NEDD8: variants seen among roughly 807,000 people sequenced by gnomAD.
NEDD8 encodes the protein ubiquitin-like protein NEDD8.
In NEDD8, 1 loss-of-function variant was observed where a neutral mutation model predicts 13.8. The observed-to-expected ratio is 0.07, with a 90% CI of 0.03 to 0.34. The LOEUF (loss-of-function observed/expected upper bound fraction) is 0.34. NEDD8 is among the 10% of genes least tolerant of loss of function. The pLI is 0.99. For missense variants in NEDD8, 10 were observed against 95.2 expected (o/e 0.10, Z 3.73); for synonymous variants, 31 against 33.2 (o/e 0.93, Z 0.23).
Position 24,218,270 on chromosome 14 carries a change from G to A in NEDD8, c.67-55C>T, listed in dbSNP as rs371438294. On this transcript the variant is annotated intron_variant, in intron 2 of 3. Coordinates refer to ENST00000250495, the MANE Select transcript of NEDD8 (RefSeq NM_006156.3). ...TGCTTAGGGGTAGGACCATGGAAACGGAAAGAACAAGGGCTATGCAGACAG... is the reference window on the plus strand; with the variant it reads ...TGCTTAGGGGTAGGACCATGGAAACAGAAAGAACAAGGGCTATGCAGACAG... The A allele has an allele frequency of 3.7e-4, 603 of 1,613,710 alleles. 1 individual carries two copies. Among genetic ancestry groups the A allele is most frequent in the Non-Finnish European group, 5.0e-4 (585 of 1,179,696 alleles).
rs568877289 is a variant in NEDD8, at chr14:24,231,991, C to A, written c.18+259G>T. 1.8e-5 allele frequency: 9 copies of A among 503,930 alleles called. No individual in the cohort carries two copies. In the Admixed American group the frequency reaches 3.0e-4, roughly 17 times the overall value. 31.2% of individuals were successfully genotyped at this position (503,930 alleles called of 1,614,324 possible). A position where few individuals can be genotyped will look rare whatever the true frequency, so the allele number is the denominator to read the frequency against. Reference sequence around the variant, plus strand: ...ATACAGTGAGACCCGACAAAAGCGACCCCATTCTGGGTGATAGCACAGTCC... The same window carrying A: ...ATACAGTGAGACCCGACAAAAGCGAACCCATTCTGGGTGATAGCACAGTCC... On this transcript the variant is annotated intron_variant, in intron 1 of 3. Coordinates refer to ENST00000250495, the MANE Select transcript of NEDD8 (RefSeq NM_006156.3).
At chr14:24,223,124 G>A (rs2039835120) in intron 1 of NEDD8, among the ~76,000 whole-genome samples, 1 of 150,468 alleles carries the variant, frequency 6.6e-6, no homozygotes, top group Admixed American at 6.6e-5. Flanking sequence ...ATGGTAGGCT[G>A]GGCATGGTAG....
chr14:24,225,502 T>C (rs546857454), intron 1 of NEDD8, among the ~76,000 whole-genome samples: 1 of 152,354 alleles, frequency 6.6e-6, no homozygotes, highest in East Asian at 1.9e-4. Context: ...TATGCTATGC[T>C]AGCTGGAATT....
At position 24,232,353 on chromosome 14, in the gene NEDD8, G is replaced by A. The variant is rs540808323; in HGVS notation, c.-86C>T. The A allele has an allele frequency of 2.1e-6, 3 of 1,424,172 alleles. No individual in the cohort carries two copies. Among genetic ancestry groups the A allele is most frequent in the Admixed American group, 1.9e-5 (1 of 53,556 alleles). 88.2% of individuals were successfully genotyped at this position (1,424,172 alleles called of 1,614,324 possible). A position where few individuals can be genotyped will look rare whatever the true frequency, so the allele number is the denominator to read the frequency against. On this transcript the variant is annotated 5_prime_UTR_variant, in exon 1 of 4. Coordinates refer to ENST00000250495, the MANE Select transcript of NEDD8 (RefSeq NM_006156.3). ...CTGCCGCCCTCCAGCACTCTTGCCT[G>A]CAAGGGCCACTTCTACTTCCGGGTC...
intron 1 of NEDD8, among the ~76,000 whole-genome samples, chr14:24,223,348 C>T (rs1007831333): frequency 6.6e-6 from 1 of 151,090 alleles, no homozygotes; most frequent in South Asian, 2.1e-4. Context: ...CCGTAGTGGG[C>T]TGATTGTGCC....
rs1243049618 is a variant in NEDD8 at position 24,232,356 on chromosome 14, A to T, written c.-89T>A. 4 of 1,384,666 alleles carry T rather than the reference A, an allele frequency of 2.9e-6. No individual in the cohort carries two copies. Among genetic ancestry groups the T allele is most frequent in the Middle Eastern group, 2.0e-4 (1 of 4,960 alleles). 85.8% of individuals were successfully genotyped at this position (1,384,666 alleles called of 1,614,324 possible). A position where few individuals can be genotyped will look rare whatever the true frequency, so the allele number is the denominator to read the frequency against. On this transcript the variant is annotated 5_prime_UTR_variant, in exon 1 of 4. The change creates a new upstream start codon in the 5' untranslated region. Coordinates refer to ENST00000250495, the MANE Select transcript of NEDD8 (RefSeq NM_006156.3). ...CCGCCCTCCAGCACTCTTGCCTGCA[A>T]GGGCCACTTCTACTTCCGGGTCACT...
At chr14:24,227,543 C>T (rs1488511713) in intron 1 of NEDD8, 2 of 151,992 alleles carry the variant, frequency 1.3e-5, no homozygotes, top group Non-Finnish European at 2.9e-5. Flanking sequence ...ACAGAAAGAG[C>T]TTTTAAGTGA....
intron 1 of NEDD8, among the ~76,000 whole-genome samples, chr14:24,225,307 A>C (rs1010763012): frequency 6.6e-6 from 1 of 152,190 alleles, no homozygotes; most frequent in Non-Finnish European, 1.5e-5. Flanking sequence ...AAACACATAA[A>C]CCAATGGCAA....
intron 1 of NEDD8, among the ~76,000 whole-genome samples, chr14:24,230,257 G>A (rs1376022808): frequency 6.9e-6 from 1 of 144,756 alleles, no homozygotes; most frequent in African/African-American, 2.6e-5. Context: ...GCCAGGCACG[G>A]GGGAGGGTGG....
In NEDD8 at chr14:24,218,281, G is replaced by C. The variant is rs2039742954; in HGVS notation, c.67-66C>G. 3.1e-6 allele frequency: 5 copies of C among 1,613,686 alleles called. No individual in the cohort carries two copies. The South Asian group carries it at 4.4e-5, about 14-fold the overall frequency. ...AGGACCATGGAAACGGAAAGAACAA[G>C]GGCTATGCAGACAGCATGAGAGCAA... is the stretch of plus-strand genomic sequence containing the variant. On this transcript the variant is annotated intron_variant, in intron 2 of 3. Coordinates refer to ENST00000250495, the MANE Select transcript of NEDD8 (RefSeq NM_006156.3).
intron 1 of NEDD8, among the ~76,000 whole-genome samples, chr14:24,219,192 T>G (rs1272145589): frequency 1.3e-5 from 2 of 151,962 alleles, no homozygotes; most frequent in Admixed American, 1.3e-4. Flanking sequence ...CTGGGCATGG[T>G]GGCTCACACC....
chr14:24,218,063 G>A, intron 3 of NEDD8, 70 bp downstream of exon 3: 4 of 1,598,898 alleles, frequency 2.5e-6, no homozygotes, highest in Non-Finnish European at 3.4e-6. Context: ...ATCCACCTCA[G>A]TACGTGCCCC....
chr14:24,229,781 G>C (rs894118361), intron 1 of NEDD8, among the ~76,000 whole-genome samples: 3 of 152,170 alleles, frequency 2.0e-5, no homozygotes, highest in African/African-American at 4.8e-5. Flanking sequence ...AAAGCCAACA[G>C]AAGTATTCAA....
At chr14:24,222,741 T>C (rs1397968263) in intron 1 of NEDD8, among the ~76,000 whole-genome samples, 1 of 152,124 alleles carries the variant, frequency 6.6e-6, no homozygotes, top group Non-Finnish European at 1.5e-5. Context: ...ATTAATATAT[T>C]TTATGTTTTT....
At chr14:24,219,493 AAAAAAAAAG>A (rs2039765233) in intron 1 of NEDD8, among the ~76,000 whole-genome samples, 1 of 137,246 alleles carries the variant, frequency 7.3e-6, no homozygotes, top group South Asian at 2.1e-4. Flanking sequence ...AAAAAAAAAA[AAAAAAAAAG>A]AAAGTAAAAG....
intron 1 of NEDD8, 198 bp downstream of exon 1, chr14:24,232,052 T>G: frequency 1.4e-6 from 1 of 719,534 alleles, no homozygotes; most frequent in Non-Finnish European, 2.2e-6. Flanking sequence ...TACCCCAGGG[T>G]CGTCAGGTGG....
At chr14:24,221,794 C>G (rs1295983765) in intron 1 of NEDD8, among the ~76,000 whole-genome samples, 1 of 151,846 alleles carries the variant, frequency 6.6e-6, no homozygotes, top group African/African-American at 2.4e-5. Flanking sequence ...AAGGGTTTCT[C>G]CATATTGGTC....
intron 1 of NEDD8, among the ~76,000 whole-genome samples, chr14:24,219,124 G>T (rs2039756281): frequency 6.6e-6 from 1 of 152,066 alleles, no homozygotes; most frequent in South Asian, 2.1e-4. Flanking sequence ...ATAATTTGAA[G>T]AATTCTCAAG....
chr14:24,221,993 T>C (rs1341751207), intron 1 of NEDD8, among the ~76,000 whole-genome samples: 1 of 152,232 alleles, frequency 6.6e-6, no homozygotes, highest in Non-Finnish European at 1.5e-5. Context: ...AAAAGGATTA[T>C]TGGTTTGTAA....
Sources: gnomAD v4.1 joint callset for allele counts (sites outside exome capture counted in the v4.1 genomes callset) on GRCh38, gnomAD v4.1.1 for gene constraint, MANE v1.5 for transcripts, NCBI Gene and HGNC (gene_info 2026-07-23, HGNC 2026-07-21) for gene names.